Variants in SRPK1 observed in about 807,000 individuals in gnomAD.
The protein encoded by SRPK1 is SRSF protein kinase 1, also known as SFRS protein kinase 1.
A neutral mutation model predicts 89.5 loss-of-function variants in SRPK1; 52 were observed. The ratio of observed to expected loss-of-function variants is 0.58; its 90% CI spans 0.46 to 0.73. The LOEUF is 0.73. SRPK1 is among the 30% of genes least tolerant of loss of function. The pLI is 0.00. For missense variants in SRPK1, 603 were observed against 780.6 expected (o/e 0.77, Z 2.71); for synonymous variants, 255 against 270.2 (o/e 0.94, Z 0.55).
intron 13 of SRPK1, among the ~76,000 whole-genome samples, chr6:35,851,911 T>C (rs1393817191): frequency 2.0e-5 from 3 of 152,222 alleles, no homozygotes; most frequent in Non-Finnish European, 4.4e-5. Flanking sequence ...GGCACTGCTA[T>C]AGACTTAAAG....
chr6:35,869,048 T>C lies in SRPK1; in HGVS notation c.1474A>G (p.Lys492Glu). ...TTTCCAAGGTCAGCAATCTTCACCT[T>C]GAGCTTTTCTGCATTTTTTGGCTCA... is the stretch of plus-strand genomic sequence containing the variant. ...PLEPKNAEKLKVKIADLGNAC... is the reference protein window; with the variant it reads ...PLEPKNAEKLEVKIADLGNAC... Residue 492 changes from lysine (K) to glutamate (E), a missense_variant, in exon 12 of 16, where the codon AAG becomes GAG. Coordinates refer to ENST00000373825, the MANE Select transcript of SRPK1 (RefSeq NM_003137.5). The C allele has an allele frequency of 6.2e-7, 1 of 1,614,088 alleles. No individual in the cohort carries two copies. The highest frequency in any genetic ancestry group is 8.5e-7 in the Non-Finnish European group (1 of 1,179,984).
chr6:35,915,698 T>C (rs1771074714), intron 2 of SRPK1, among the ~76,000 whole-genome samples: 1 of 151,734 alleles, frequency 6.6e-6, no homozygotes, highest in Non-Finnish European at 1.5e-5. Flanking sequence ...ACAGGCCAGG[T>C]GCGGTGGCTC....
In SRPK1 at chr6:35,888,039, G is replaced by T; in HGVS notation, c.375C>A (p.Ile125=). 6.2e-7 allele frequency: 1 copy of T among 1,601,100 alleles called. No individual in the cohort carries two copies. Among genetic ancestry groups the T allele is most frequent in the Non-Finnish European group, 8.5e-7 (1 of 1,176,078 alleles). ...EHYTETALDE[I]RLLKSVRNSD... is the part of the protein sequence containing the mutation. The stretch of plus-strand genomic sequence containing the variant: ...TAATACTCACTGACTTCAGCAACCG[G>T]ATTTCATCTAGTGCTGTTTCAGTGT... Residue 125 remains isoleucine, a synonymous_variant, in exon 5 of 16, where the codon ATC becomes ATA. Transcript: ENST00000373825.
intron 5 of SRPK1, among the ~76,000 whole-genome samples, chr6:35,887,043 T>C (rs1364608249): frequency 2.6e-5 from 4 of 152,364 alleles, no homozygotes; most frequent in Non-Finnish European, 2.9e-5. Flanking sequence ...TTTTGCTCCC[T>C]GATATCAATC....
intron 2 of SRPK1, among the ~76,000 whole-genome samples, chr6:35,912,166 T>A (rs148174522): frequency 5.5e-4 from 83 of 151,438 alleles, no homozygotes; most frequent in African/African-American, 1.9e-3. Flanking sequence ...TGAGATTCCA[T>A]CCCTTAAAAA....
intron 6 of SRPK1, among the ~76,000 whole-genome samples, chr6:35,882,807 G>GA (rs1442666987): frequency 6.6e-6 from 1 of 151,624 alleles, no homozygotes; most frequent in African/African-American, 2.4e-5. Flanking sequence ...ATTCTGCTGA[G>GA]AAAAAAAATT....
chr6:35,863,062 G>C (rs1379391441), intron 12 of SRPK1, among the ~76,000 whole-genome samples: 1 of 151,920 alleles, frequency 6.6e-6, no homozygotes, highest in Non-Finnish European at 1.5e-5. Flanking sequence ...GAGCCAGGAG[G>C]ATCGCTTGAG....
intron 12 of SRPK1, among the ~76,000 whole-genome samples, chr6:35,864,177 CAA>C: frequency 6.6e-6 from 1 of 152,104 alleles, no homozygotes; most frequent in South Asian, 2.1e-4. Context: ...GCAACCAAAA[CAA>C]AAATGGACAA....
Position 35,868,990 on chromosome 6 carries a change from T to G in SRPK1, c.1512+20A>C. Reference sequence around the variant, plus strand: ...TCCTCCCAGTCACTTCAAAACACCATTAAGGCAAGTTTAACTTACCACCCA... The same window carrying G: ...TCCTCCCAGTCACTTCAAAACACCAGTAAGGCAAGTTTAACTTACCACCCA... On this transcript the variant is annotated intron_variant, in intron 12 of 15. Coordinates refer to ENST00000373825, the MANE Select transcript of SRPK1 (RefSeq NM_003137.5). 1 of 1,604,052 alleles carries G rather than the reference T, an allele frequency of 6.2e-7. No individual in the cohort carries two copies. Among genetic ancestry groups the G allele is most frequent in the Non-Finnish European group, 8.5e-7 (1 of 1,172,612 alleles).
At position 35,863,725 on chromosome 6, in the gene SRPK1, T is replaced by C. The variant is rs138964895; in HGVS notation, c.1512+5285A>G. 2.5e-4 allele frequency among the ~76,000 whole-genome samples: 38 copies of C among 152,080 alleles called. No homozygotes were observed. The East Asian group carries it at 7.0e-3, about 28-fold the overall frequency. On this transcript the variant is annotated intron_variant, in intron 12 of 15. Transcript: ENST00000373825. ...ATTTTATCAACACCAGACCTATCCT[T>C]ACAAGAAATCTTAAAGAAGAGAGAA...
At chr6:35,897,038 G>A (rs894070833) in intron 2 of SRPK1, among the ~76,000 whole-genome samples, 4 of 152,134 alleles carry the variant, frequency 2.6e-5, no homozygotes, top group African/African-American at 4.8e-5. Flanking sequence ...GTAGATTAGC[G>A]GTTGCCAGGG....
intron 2 of SRPK1, among the ~76,000 whole-genome samples, chr6:35,895,957 T>G (rs1195342007): frequency 6.6e-6 from 1 of 152,194 alleles, no homozygotes; most frequent in Admixed American, 6.5e-5. Context: ...GCATGGAAGC[T>G]CTGCATTCCT....
chr6:35,899,861 C>T (rs1222498076), intron 2 of SRPK1, among the ~76,000 whole-genome samples: 1 of 151,898 alleles, frequency 6.6e-6, no homozygotes, highest in Non-Finnish European at 1.5e-5. Context: ...ATTAGCTGGG[C>T]ATGGTAGCGG....
intron 13 of SRPK1, 32 bp from the exon 14 acceptor site, chr6:35,842,636 AC>A: frequency 6.4e-7 from 1 of 1,555,872 alleles, no homozygotes; most frequent in Non-Finnish European, 8.7e-7. Context: ...ATATGAAAGC[AC>A]AAAAGAAAAG....
intron 14 of SRPK1, among the ~76,000 whole-genome samples, chr6:35,840,513 TTAAG>T (rs1218196503): frequency 6.6e-6 from 1 of 152,234 alleles, no homozygotes; most frequent in Non-Finnish European, 1.5e-5. Flanking sequence ...TCTTAGAAAC[TTAAG>T]TAAACTTCCA....
intron 2 of SRPK1, among the ~76,000 whole-genome samples, chr6:35,907,891 C>T (rs145035275): frequency 1.1e-3 from 175 of 152,214 alleles, no homozygotes; most frequent in Non-Finnish European, 2.1e-3. Flanking sequence ...GGTTCACCCA[C>T]GCTGTTCTGA....
intron 6 of SRPK1, among the ~76,000 whole-genome samples, chr6:35,876,587 A>G (rs1424430844): frequency 6.6e-6 from 1 of 152,192 alleles, no homozygotes; most frequent in Non-Finnish European, 1.5e-5. Context: ...GGCTGCAGTG[A>G]GCAGAGATCA....
At chr6:35,856,033 T>A (rs1273611534) in intron 13 of SRPK1, among the ~76,000 whole-genome samples, 1 of 152,140 alleles carries the variant, frequency 6.6e-6, no homozygotes. Context: ...AGCCCCTATA[T>A]AGTTTTAGAT....
chr6:35,876,497 C>A (rs1449014024), intron 6 of SRPK1, among the ~76,000 whole-genome samples: 1 of 152,062 alleles, frequency 6.6e-6, no homozygotes, highest in African/African-American at 2.4e-5. Context: ...CAAAAATTAG[C>A]CAAGTGTGGT....
Sources: gnomAD v4.1 joint callset for allele counts (sites outside exome capture counted in the v4.1 genomes callset) on GRCh38, gnomAD v4.1.1 for gene constraint, MANE v1.5 for transcripts, NCBI Gene and HGNC (gene_info 2026-07-23, HGNC 2026-07-21) for gene names.